ZFHX3: variants seen among roughly 807,000 people sequenced by gnomAD.
ZFHX3 encodes zinc finger homeobox protein 3.
Under a neutral mutation model 279.1 loss-of-function variants are expected in ZFHX3, and 42 were observed. The observed-to-expected ratio is 0.15, with a 90% confidence interval of 0.12 to 0.19. The LOEUF is 0.19. Among genes scored for constraint, ZFHX3 ranks in the 10% least tolerant of loss-of-function variants. The pLI, the probability that ZFHX3 is intolerant of heterozygous loss-of-function variation, is 1.00. For synonymous variants in ZFHX3, 2,293 were observed against 1,957.8 expected (o/e 1.17, Z -4.52); for missense variants, 4,981 against 4,754.0 (o/e 1.05, Z -1.40).
intron 2 of ZFHX3, among the ~76,000 whole-genome samples, chr16:73,474,853 G>T (rs576057767): frequency 6.6e-6 from 1 of 152,172 alleles, no homozygotes; most frequent in Admixed American, 6.5e-5. Context: ...TGGAGCCAGC[G>T]GGTAAGAGAT....
chr16:72,843,000 G>C (rs1167666529), intron 4 of ZFHX3, among the ~76,000 whole-genome samples: 3 of 152,280 alleles, frequency 2.0e-5, no homozygotes, highest in South Asian at 2.1e-4. Flanking sequence ...AGGTGTTTTA[G>C]AAAATATAAA....
intron 1 of ZFHX3, among the ~76,000 whole-genome samples, chr16:73,757,753 C>T (rs2053825336): frequency 6.6e-6 from 1 of 152,090 alleles, no homozygotes; most frequent in Non-Finnish European, 1.5e-5. Flanking sequence ...AGCATTTCAC[C>T]AGCGTGAAGT....
chr16:73,481,741 C>T (rs571196519), intron 2 of ZFHX3, among the ~76,000 whole-genome samples: 133 of 152,146 alleles, frequency 8.7e-4, no homozygotes, highest in Non-Finnish European at 1.5e-3. Context: ...GATCCTCCCA[C>T]CTCTGCCTCT....
rs371496531 is a variant in ZFHX3 at position 72,950,883 on chromosome 16, G to A, written c.2802C>T (p.Phe934=). Residue 934 remains phenylalanine, a synonymous_variant, in exon 3 of 10, where the codon TTC becomes TTT. Transcript: ENST00000268489. ...TCAGCGACGGGTCGTTGGTCTGGAT[G>A]AAGCTCTCGCCCAGGTTCATCAGCT... The part of the protein sequence containing the change: ...SEELMNLGES[F]IQTNDPSLKL... The A allele has an allele frequency of 9.3e-6, 15 of 1,613,930 alleles. No individual in the cohort carries two copies. The African/African-American group carries it at 2.0e-4, about 22-fold the overall frequency.
intron 2 of ZFHX3, among the ~76,000 whole-genome samples, chr16:73,540,480 T>A (rs2019991999): frequency 6.6e-6 from 1 of 152,204 alleles, no homozygotes; most frequent in Admixed American, 6.5e-5. Flanking sequence ...GAGAATCTAG[T>A]CTATGCCTCC....
chr16:73,667,485 A>G (rs2052855922), intron 2 of ZFHX3, among the ~76,000 whole-genome samples: 1 of 152,212 alleles, frequency 6.6e-6, no homozygotes, highest in South Asian at 2.1e-4. Context: ...TTTATTTTTA[A>G]GAACTACTAA....
chr16:73,736,955 A>C (rs2053614936), intron 1 of ZFHX3, among the ~76,000 whole-genome samples: 1 of 152,232 alleles, frequency 6.6e-6, no homozygotes, highest in African/African-American at 2.4e-5. Context: ...GATATGGAGA[A>C]GTGTGGGCAG....
chr16:72,932,321 T>C (rs1959859227), intron 3 of ZFHX3, among the ~76,000 whole-genome samples: 1 of 152,204 alleles, frequency 6.6e-6, no homozygotes, highest in South Asian at 2.1e-4. Flanking sequence ...CAACGGATGA[T>C]GTCTTAGGTA....
intron 1 of ZFHX3, among the ~76,000 whole-genome samples, chr16:73,788,802 A>T (rs891777124): frequency 5.9e-5 from 9 of 151,354 alleles, no homozygotes; most frequent in African/African-American, 1.9e-4. Context: ...GTGAAACCCC[A>T]TCTCTACTAA....
At chr16:73,339,010 G>A (rs1199683190) in intron 3 of ZFHX3, among the ~76,000 whole-genome samples, 1 of 152,176 alleles carries the variant, frequency 6.6e-6, no homozygotes, top group Non-Finnish European at 1.5e-5. Context: ...ACTTCCAGAA[G>A]CCTCCTCAGA....
intron 2 of ZFHX3, among the ~76,000 whole-genome samples, chr16:73,516,091 C>G (rs913724214): frequency 5.9e-5 from 9 of 152,244 alleles, no homozygotes; most frequent in Non-Finnish European, 1.0e-4. Flanking sequence ...GAACACTGAC[C>G]CATGGGTTCT....
chr16:73,609,339 T>C (rs976661100), intron 2 of ZFHX3: 3 of 152,134 alleles, frequency 2.0e-5, no homozygotes, highest in African/African-American at 7.2e-5. Context: ...TCGTGGAAAA[T>C]AAATGATCAA....
At chr16:73,747,642 A>G (rs910475019) in intron 1 of ZFHX3, among the ~76,000 whole-genome samples, 14 of 152,298 alleles carry the variant, frequency 9.2e-5, no homozygotes, top group Admixed American at 5.9e-4. Flanking sequence ...TTCCTGAGAG[A>G]CATCTCCCTC....
At chr16:73,021,024 G>A (rs1379100126) in intron 1 of ZFHX3, among the ~76,000 whole-genome samples, 1 of 152,170 alleles carries the variant, frequency 6.6e-6, no homozygotes, top group Non-Finnish European at 1.5e-5. Context: ...AGTTGAAAGG[G>A]TATAGGCCCA....
intron 3 of ZFHX3, among the ~76,000 whole-genome samples, chr16:73,439,801 T>C (rs1421111237): frequency 4.7e-5 from 7 of 147,950 alleles, no homozygotes; most frequent in Admixed American, 2.1e-4. Context: ...CAGAGGTGTG[T>C]GGATTGCTGA....
chr16:73,483,196 G>A (rs372871505), intron 2 of ZFHX3: 8 of 348,648 alleles, frequency 2.3e-5, no homozygotes, highest in African/African-American at 1.7e-4. Flanking sequence ...CGGAGGAAGA[G>A]AACGCGTGGG....
chr16:72,795,058 A>G lies in ZFHX3; in HGVS notation c.7624T>C (p.Phe2542Leu). 1 of 1,614,198 alleles carries G rather than the reference A, an allele frequency of 6.2e-7. No homozygotes were observed. The highest frequency in any genetic ancestry group is 8.5e-7 in the Non-Finnish European group (1 of 1,180,034). Residue 2542 changes from phenylalanine to leucine, a missense_variant, in exon 9 of 10, where the codon TTT becomes CTT. By Grantham distance (22) the Phe-to-Leu change is conservative. This residue lies in a region of ZFHX3 where 744 missense variants were observed against 701.3 expected (regional missense o/e 1.06). Coordinates refer to ENST00000268489, the MANE Select transcript of ZFHX3 (RefSeq NM_006885.4). ...TGCTGATGCTCCTGCCAGTGCTCAA[A>G]TGACGGAAATGCCAACTTACACTGG... ...CDQCKLAFPSFEHWQEHQQLH... is the reference protein window; with the variant it reads ...CDQCKLAFPSLEHWQEHQQLH...
chr16:73,716,612 AACAC>A (rs144449904), intron 1 of ZFHX3, among the ~76,000 whole-genome samples: 603 of 31,788 alleles, frequency 0.019, 1 homozygote, highest in East Asian at 0.071. Context: ...TCTTACTCTG[AACAC>A]ACACACACAC....
intron 3 of ZFHX3, among the ~76,000 whole-genome samples, chr16:72,902,245 C>T (rs1301992550): frequency 1.3e-5 from 2 of 152,160 alleles, no homozygotes; most frequent in Non-Finnish European, 2.9e-5. Context: ...TCCAACTTTC[C>T]CATTACAGCT....
Sources: gnomAD v4.1 joint callset for allele counts (sites outside exome capture counted in the v4.1 genomes callset) on GRCh38, gnomAD v4.1.1 for gene constraint, gnomAD v4.1.1 regional missense constraint, MANE v1.5 for transcripts, NCBI Gene and HGNC (gene_info 2026-07-23, HGNC 2026-07-21) for gene names.